CYP4F3: variants seen among roughly 807,000 people sequenced by gnomAD.
The protein encoded by CYP4F3 is cytochrome P450 4F3.
CYP4F3 carries 50 observed loss-of-function variants against 54.8 expected under a neutral mutation model. The observed-to-expected ratio is 0.91, with a 90% confidence interval of 0.73 to 1.16. CYP4F3 has a LOEUF of 1.16. Ranked by LOEUF, CYP4F3 falls within the 50% of genes most tolerant of loss-of-function variation. The probability of loss-of-function intolerance (pLI) is 0.00; values close to 1 mark genes in which losing one functional copy is unlikely to be tolerated. For missense variants in CYP4F3, 715 were observed against 676.2 expected, an observed-to-expected ratio of 1.06 and a Z score of -0.64; for synonymous variants, 244 against 262.6, an observed-to-expected ratio of 0.93 and a Z score of 0.69.
rs61734306 is a variant in CYP4F3 at position 15,658,549 on chromosome 19, C to T, written c.1308C>T (p.Asp436=). The T allele has an allele frequency of 5.3e-4, 850 of 1,614,146 alleles. No individual in the cohort carries two copies. The African/African-American group carries it at 7.1e-3, about 14-fold the overall frequency. The change falls in exon 11 of 13, where the codon GAC becomes GAT. Residue 436 remains aspartate, a synonymous_variant. Transcript: ENST00000221307. ...ATCACAACCCAGCCGTGTGGCCGGA[C>T]CCTGAGGTGCGGGCCCCCCGTCTCT... ...GTHHNPAVWP[D]PEVYDPFRFD...
In CYP4F3 at chr19:15,647,244, C is replaced by T. The variant is rs143175634; in HGVS notation, c.445C>T (p.Arg149Trp). The change falls in exon 5 of 13, where the codon CGG becomes TGG. Residue 149 changes from arginine to tryptophan, a missense_variant. By Grantham distance (101) the Arg-to-Trp change is moderately radical. Coordinates refer to ENST00000221307, the MANE Select transcript of CYP4F3 (RefSeq NM_000896.3). ...TGGTGAAAAGTGGAGCCGCCACCGT[C>T]GGATGCTGACGCCTGCCTTCCATTT... Reference protein sequence around the residue: ...SAGEKWSRHRRMLTPAFHFNI... With the variant: ...SAGEKWSRHRWMLTPAFHFNI... The T allele has an allele frequency of 5.1e-5, 83 of 1,614,226 alleles. No individual in the cohort carries two copies. Among genetic ancestry groups the T allele is most frequent in the Middle Eastern group, 1.6e-4 (1 of 6,062 alleles).
In CYP4F3 at chr19:15,660,659, C is replaced by T. The variant is rs961319067; in HGVS notation, c.*1274C>T. On this transcript the variant is annotated 3_prime_UTR_variant, in exon 13 of 13. Coordinates refer to ENST00000221307, the MANE Select transcript of CYP4F3 (RefSeq NM_000896.3). ...TCAAAGTAAGTCTCTGCCCTAGGCACATCAGATCACCTGGGGACCACTCCA... is the reference window on the plus strand; with the variant it reads ...TCAAAGTAAGTCTCTGCCCTAGGCATATCAGATCACCTGGGGACCACTCCA... 4 of 152,032 alleles carry T rather than the reference C, an allele frequency of 2.6e-5. No individual in the cohort carries two copies. Among genetic ancestry groups the T allele is most frequent in the Non-Finnish European group, 5.9e-5 (4 of 68,020 alleles). The allele number at this position is 152,032 out of a possible 1,614,324, so 9.4% of individuals were successfully genotyped here.
At position 15,660,818 on chromosome 19, in the gene CYP4F3, G is replaced by A. The variant is rs938178308; in HGVS notation, c.*1433G>A. 6.6e-6 allele frequency: 1 copy of A among 151,392 alleles called. No homozygotes were observed. Among genetic ancestry groups the A allele is most frequent in the Non-Finnish European group, 1.5e-5 (1 of 67,956 alleles). 9.4% of individuals were successfully genotyped at this position (151,392 alleles called of 1,614,324 possible). On this transcript the variant is annotated 3_prime_UTR_variant, in exon 13 of 13. Coordinates refer to ENST00000221307, the MANE Select transcript of CYP4F3 (RefSeq NM_000896.3). ...TGCAACCTCCGCCTCCTGCGTTCAAGTGATTGTCCTGTCTCAGCCTCCCAA... is the reference window on the plus strand; with the variant it reads ...TGCAACCTCCGCCTCCTGCGTTCAAATGATTGTCCTGTCTCAGCCTCCCAA...
rs1568398349 is a variant in CYP4F3, at chr19:15,650,816, T to TC, written c.918+633_918+634insC. Among the ~76,000 whole-genome samples, 111 of 35,808 alleles carry TC rather than the reference T, an allele frequency of 3.1e-3. 11 individuals carry two copies. Among genetic ancestry groups the TC allele is most frequent in the African/African-American group, 5.6e-3 (33 of 5,864 alleles). The allele number at this position is 35,808 out of a possible 152,430, so 23.5% of individuals were successfully genotyped here. A position where few individuals can be genotyped will look rare whatever the true frequency, so the allele number is the denominator to read the frequency against. On this transcript the variant is annotated intron_variant, in intron 7 of 12. Coordinates refer to ENST00000221307, the MANE Select transcript of CYP4F3 (RefSeq NM_000896.3). ...CTTTCTTTCTCTCTCTTCTCTTTCT[T>TC]TCTTTCTTTCTTTCTTTCTTTCTTT...
At position 15,658,840 on chromosome 19, in the gene CYP4F3, G is replaced by A. The variant is rs375218210; in HGVS notation, c.1397+31G>A. On this transcript the variant is annotated intron_variant, in intron 12 of 12. Transcript: ENST00000221307. ...AGCGGCCTGTGTTTGAGGCGGGGAC[G>A]GGGAGATAGGTGCAGGGGTCTGGGC... The A allele has an allele frequency of 8.4e-5, 136 of 1,611,598 alleles. 3 individuals are homozygous for A. Among genetic ancestry groups the A allele is most frequent in the South Asian group, 3.0e-4 (27 of 90,882 alleles).
rs1170341633 is a variant in CYP4F3, at chr19:15,647,253, A to C, written c.454A>C (p.Thr152Pro). The C allele has an allele frequency of 3.7e-6, 6 of 1,614,066 alleles. No individual in the cohort carries two copies. The highest frequency in any genetic ancestry group is 1.1e-5 in the South Asian group (1 of 91,084). Residue 152 changes from threonine (T) to proline (P), a missense_variant, in exon 5 of 13, where the codon ACG becomes CCG. By Grantham distance (38) the Thr-to-Pro change is conservative. Coordinates refer to ENST00000221307, the MANE Select transcript of CYP4F3 (RefSeq NM_000896.3). ...GTGGAGCCGCCACCGTCGGATGCTG[A>C]CGCCTGCCTTCCATTTCAACATCCT... ...EKWSRHRRMLTPAFHFNILKP... is the reference protein window; with the variant it reads ...EKWSRHRRMLPPAFHFNILKP...
In CYP4F3 at chr19:15,652,888, C is replaced by T; in HGVS notation, c.1051C>T (p.Gln351Ter). 4 of 1,613,890 alleles carry T rather than the reference C, an allele frequency of 2.5e-6. No homozygotes were observed. Among genetic ancestry groups the T allele is most frequent in the Non-Finnish European group, 3.4e-6 (4 of 1,179,876 alleles). ...LYHLAKHPEY[Q>*]ERCRQEVQEL... Reference sequence around the variant, plus strand: ...CCACCTTGCAAAGCACCCGGAATACCAGGAGCGCTGTCGGCAGGAGGTGCA... The same window carrying T: ...CCACCTTGCAAAGCACCCGGAATACTAGGAGCGCTGTCGGCAGGAGGTGCA... The change falls in exon 9 of 13, where the codon CAG (glutamine) becomes TAG (stop). Residue 351 changes from glutamine (Q) to a stop codon, truncating the protein, a stop_gained. Coordinates refer to ENST00000221307, the MANE Select transcript of CYP4F3 (RefSeq NM_000896.3). LOFTEE classifies it high-confidence loss of function.
At chr19:15,651,497 A>G (rs1301079205) in intron 7 of CYP4F3, among the ~76,000 whole-genome samples, 1 of 138,552 alleles carries the variant, frequency 7.2e-6, no homozygotes, top group Non-Finnish European at 1.6e-5. Flanking sequence ...CCTCCCAACT[A>G]GCTGGGATTA....
At chr19:15,646,026 C>G (rs1268426641) in intron 3 of CYP4F3, among the ~76,000 whole-genome samples, 163 bp downstream of exon 3, 2 of 152,188 alleles carry the variant, frequency 1.3e-5, no homozygotes, top group East Asian at 1.9e-4. Flanking sequence ...TTCCATCTGT[C>G]TGACCTCTGT....
intron 9 of CYP4F3, 139 bp from the exon 10 acceptor site, chr19:15,658,125 A>T: frequency 6.5e-7 from 1 of 1,536,420 alleles, no homozygotes; most frequent in Non-Finnish European, 8.7e-7. Context: ...CACTGTTTTT[A>T]TTCCTGCGAC....
chr19:15,650,664 CTTTCTTTCTTTCTTTCTTTCTT>C (rs1165977026), intron 7 of CYP4F3, among the ~76,000 whole-genome samples: 1 of 18,084 alleles, frequency 5.5e-5, no homozygotes, highest in Non-Finnish European at 1.0e-4. Context: ...CCTTCTTTTT[CTTTCTTTCTTTCTTTCTTTCTT>C]TCTTTCTTTC....
chr19:15,647,654 A>G (rs947904498), intron 5 of CYP4F3, among the ~76,000 whole-genome samples: 2 of 152,214 alleles, frequency 1.3e-5, no homozygotes, highest in African/African-American at 4.8e-5. Context: ...GTTTAAACCA[A>G]TAAAGGTTTA....
Position 15,652,671 on chromosome 19 carries a change from G to A in CYP4F3, c.985+36G>A, listed in dbSNP as rs371375686. 2.5e-6 allele frequency: 4 copies of A among 1,613,930 alleles called. No individual in the cohort carries two copies. The African/African-American group carries it at 4.0e-5, about 16-fold the overall frequency. On this transcript the variant is annotated intron_variant, in intron 8 of 12. Transcript: ENST00000221307. ...CAGTGTGGGGCTAGAGTGGGGACTT[G>A]GATATCTCCATTCCAGGAACAGGGT... is the stretch of plus-strand genomic sequence containing the variant.
Position 15,658,488 on chromosome 19 carries a change from C to G in CYP4F3, c.1250-3C>G. 1 of 1,614,232 alleles carries G rather than the reference C, an allele frequency of 6.2e-7. No homozygotes were observed. Among genetic ancestry groups the G allele is most frequent in the Non-Finnish European group, 8.5e-7 (1 of 1,180,032 alleles). ...GTCCTGACTGCCCCCTTCTCTCCCA[C>G]AGGCATTATCTGCCTCATCAGTGTT... On this transcript the variant is annotated splice_region_variant and splice_polypyrimidine_tract_variant and intron_variant, in intron 10 of 12. Transcript: ENST00000221307.
chr19:15,658,083 G>C (rs934922597), intron 9 of CYP4F3, 181 bp from the exon 10 acceptor site: 1 of 966,188 alleles, frequency 1.0e-6, no homozygotes, highest in African/African-American at 1.8e-5. Flanking sequence ...GCTGTTCCAT[G>C]GGTCTATTTT....
intron 9 of CYP4F3, among the ~76,000 whole-genome samples, chr19:15,657,089 C>T (rs796871785): frequency 5.3e-5 from 8 of 152,256 alleles, no homozygotes; most frequent in African/African-American, 1.9e-4. Context: ...CTATTTCCTT[C>T]TTTTGTGTAA....
At chr19:15,656,767 T>TC (rs780753650) in intron 9 of CYP4F3, among the ~76,000 whole-genome samples, 10,448 of 62,144 alleles carry the variant, frequency 0.17, 395 homozygotes, top group African/African-American at 0.23. Flanking sequence ...TATCTATCTA[T>TC]CATCCATCCA....
chr19:15,662,272 C>CAAAAAAAAAAAAAAAAAAAGAAAAAA lies in CYP4F3; in HGVS notation c.*2906_*2907insGAAAAAAAAAAAAAAAAAAAAAAAAA, dbSNP rs1973197925. Reference sequence around the variant, plus strand: ...GGTGAAAGAGCTAGATTCTCTCTCTCAAAAAAAAAAAAAAAAAAAAGGAAA... The same window carrying CAAAAAAAAAAAAAAAAAAAGAAAAAA: ...GGTGAAAGAGCTAGATTCTCTCTCTCAAAAAAAAAAAAAAAAAAAGAAAAAAAAAAAAAAAAAAAAAAAAAAGGAAA... On this transcript the variant is annotated 3_prime_UTR_variant, in exon 13 of 13. Transcript: ENST00000221307. The CAAAAAAAAAAAAAAAAAAAGAAAAAA allele has an allele frequency of 1.4e-5, 1 of 73,706 alleles. No individual in the cohort carries two copies. The highest frequency in any genetic ancestry group is 8.1e-5 in the African/African-American group (1 of 12,344). The allele number at this position is 73,706 out of a possible 1,614,324, so 4.6% of individuals were successfully genotyped here.
intron 2 of CYP4F3, chr19:15,644,100 T>C: frequency 6.8e-7 from 1 of 1,474,666 alleles, no homozygotes; most frequent in Non-Finnish European, 9.0e-7. Flanking sequence ...ATTTGAGGCC[T>C]GCAAGTCCCT....
Sources: gnomAD v4.1 joint callset for allele counts (sites outside exome capture counted in the v4.1 genomes callset) on GRCh38, gnomAD v4.1.1 for gene constraint, MANE v1.5 for transcripts, NCBI Gene and HGNC (gene_info 2026-07-23, HGNC 2026-07-21) for gene names.